DDI2: variants seen among roughly 807,000 people sequenced by gnomAD.
DDI2 encodes DDI proteasomal shuttling factor 2, also known as protein DDI1 homolog 2.
DDI2 carries 5 observed loss-of-function variants against 48.1 expected under a neutral mutation model. The ratio of observed to expected loss-of-function variants is 0.10; its 90% CI spans 0.05 to 0.22. The LOEUF (loss-of-function observed/expected upper bound fraction) is 0.22. DDI2 is among the 10% of genes least tolerant of loss of function. The pLI is 1.00. For synonymous variants in DDI2, 205 were observed against 183.6 expected, an observed-to-expected ratio of 1.12 and a Z score of -0.94; for missense variants, 285 against 506.2, an observed-to-expected ratio of 0.56 and a Z score of 4.19.
At chr1:15,638,283 G>A (rs762867880) in intron 4 of DDI2, 24 bp from the exon 5 acceptor site, 3 of 1,612,828 alleles carry the variant, frequency 1.9e-6, no homozygotes, top group Non-Finnish European at 2.5e-6. Context: ...TGCTTTCAGT[G>A]TCCCTGGTCT....
chr1:15,622,561 T>G (rs766665207), intron 1 of DDI2, among the ~76,000 whole-genome samples: 5 of 152,224 alleles, frequency 3.3e-5, no homozygotes, highest in Admixed American at 6.5e-5. Context: ...TGTATACATT[T>G]TCTTGTTGTA....
chr1:15,632,935 A>ATTTTTT (rs1557614987), intron 3 of DDI2, among the ~76,000 whole-genome samples: 53 of 79,104 alleles, frequency 6.7e-4, no homozygotes, highest in African/African-American at 3.2e-3. Context: ...TTTTTTTAAA[A>ATTTTTT]AAAAAAAAAC....
rs1640463452 is a variant in DDI2, at chr1:15,667,034, C to T, written c.*7244C>T. The T allele has an allele frequency of 6.6e-6, 1 of 151,946 alleles. No individual in the cohort carries two copies. Among genetic ancestry groups the T allele is most frequent in the South Asian group, 2.1e-4 (1 of 4,798 alleles). 9.4% of individuals were successfully genotyped at this position (151,946 alleles called of 1,614,324 possible). A position where few individuals can be genotyped will look rare whatever the true frequency, so the allele number is the denominator to read the frequency against. Reference sequence around the variant, plus strand: ...ACCAGCCTGGCCAATATGATGAAACCTTACCTCTACTAAAAATAAAAAATT... The same window carrying T: ...ACCAGCCTGGCCAATATGATGAAACTTTACCTCTACTAAAAATAAAAAATT... On this transcript the variant is annotated 3_prime_UTR_variant, in exon 10 of 10. Coordinates refer to ENST00000480945, the MANE Select transcript of DDI2 (RefSeq NM_032341.5).
intron 8 of DDI2, among the ~76,000 whole-genome samples, chr1:15,653,349 C>T (rs929871295): frequency 2.6e-5 from 4 of 151,840 alleles, no homozygotes; most frequent in African/African-American, 9.7e-5. Context: ...AGCCATGGCT[C>T]ACTGCAGCCT....
intron 7 of DDI2, among the ~76,000 whole-genome samples, chr1:15,651,236 C>T (rs962039762): frequency 1.3e-5 from 2 of 152,118 alleles, no homozygotes; most frequent in Admixed American, 6.5e-5. Flanking sequence ...TTTTTTTAGT[C>T]ATGGTATAGA....
intron 8 of DDI2, among the ~76,000 whole-genome samples, chr1:15,652,442 G>T (rs1557622524): frequency 1.2e-5 from 1 of 81,326 alleles, no homozygotes; most frequent in Non-Finnish European, 2.8e-5. Flanking sequence ...ACTTTGGGAG[G>T]CTCCGGAGGG....
chr1:15,626,245 A>G lies in DDI2; in HGVS notation c.139-424A>G, dbSNP rs187062950. Among the ~76,000 whole-genome samples the G allele has an allele frequency of 2.1e-3, 317 of 152,338 alleles. 3 individuals carry two copies. The highest frequency in any genetic ancestry group is 9.8e-4 in the Non-Finnish European group (67 of 68,030). ...TTTGTCCTCAAGTAGTTTACATTTA[A>G]TGGGGCAGAAGGACAATAAGTAAAT... On this transcript the variant is annotated intron_variant, in intron 1 of 9. Coordinates refer to ENST00000480945, the MANE Select transcript of DDI2 (RefSeq NM_032341.5).
chr1:15,660,855 C>G lies in DDI2; in HGVS notation c.*1065C>G. The G allele has an allele frequency of 3.1e-6, 5 of 1,614,150 alleles. No individual in the cohort carries two copies. The highest frequency in any genetic ancestry group is 2.2e-5 in the East Asian group (1 of 44,886). ...GAACAAATAAAGAATATGGCCATTA[C>G]TCCTCTCCAAGTCTCTGTGGCAGTT... On this transcript the variant is annotated 3_prime_UTR_variant, in exon 10 of 10. Transcript: ENST00000480945.
At position 15,667,028 on chromosome 1, in the gene DDI2, T is replaced by A. The variant is rs1021426316; in HGVS notation, c.*7238T>A. ...GTCGAGACCAGCCTGGCCAATATGA[T>A]GAAACCTTACCTCTACTAAAAATAA... is the stretch of plus-strand genomic sequence containing the variant. On this transcript the variant is annotated 3_prime_UTR_variant, in exon 10 of 10. Transcript: ENST00000480945. 6.6e-6 allele frequency: 1 copy of A among 152,012 alleles called. No homozygotes were observed. Among genetic ancestry groups the A allele is most frequent in the South Asian group, 2.1e-4 (1 of 4,812 alleles). The allele number at this position is 152,012 out of a possible 1,614,324, so 9.4% of individuals were successfully genotyped here.
intron 1 of DDI2, among the ~76,000 whole-genome samples, 185 bp from the exon 2 acceptor site, chr1:15,626,484 G>A (rs894169136): frequency 1.3e-5 from 2 of 152,192 alleles, no homozygotes; most frequent in Admixed American, 6.5e-5. Flanking sequence ...GGAGAGCCAG[G>A]GACCACATTG....
At chr1:15,655,987 T>G (rs1242864464) in intron 8 of DDI2, among the ~76,000 whole-genome samples, 5 of 151,704 alleles carry the variant, frequency 3.3e-5, no homozygotes, top group Non-Finnish European at 7.4e-5. Context: ...AAACTCTATA[T>G]TAAAATGTTT....
At chr1:15,639,979 A>G (rs1456648828) in intron 5 of DDI2, among the ~76,000 whole-genome samples, 1 of 151,824 alleles carries the variant, frequency 6.6e-6, no homozygotes, top group African/African-American at 2.4e-5. Context: ...TGATTGTGCC[A>G]CTGTGCCCCA....
intron 8 of DDI2, among the ~76,000 whole-genome samples, chr1:15,655,584 C>G (rs1570990815): frequency 1.3e-5 from 2 of 151,928 alleles, no homozygotes; most frequent in Non-Finnish European, 1.5e-5. Context: ...GAAACCTCAT[C>G]TCTACTAAAA....
intron 3 of DDI2, among the ~76,000 whole-genome samples, chr1:15,631,483 G>T (rs913496767): frequency 6.6e-6 from 1 of 152,196 alleles, no homozygotes; most frequent in African/African-American, 2.4e-5. Context: ...TTGGGTTTAT[G>T]AGTTAAATTG....
chr1:15,619,073 G>C (rs1205899471), intron 1 of DDI2, among the ~76,000 whole-genome samples: 1 of 152,178 alleles, frequency 6.6e-6, no homozygotes, highest in Non-Finnish European at 1.5e-5. Context: ...TGGAGAACTA[G>C]GAAAGGACTG....
chr1:15,638,532 T>A, intron 5 of DDI2, 98 bp downstream of exon 5: 91 of 348,912 alleles, frequency 2.6e-4, no homozygotes, highest in Middle Eastern at 7.6e-4. Flanking sequence ...TGGCTGTACT[T>A]TTTTTTTTTT....
Position 15,656,662 on chromosome 1 carries a change from G to C in DDI2, c.*29G>C. 6.2e-7 allele frequency: 1 copy of C among 1,614,146 alleles called. No homozygotes were observed. The highest frequency in any genetic ancestry group is 8.5e-7 in the Non-Finnish European group (1 of 1,180,004). Reference sequence around the variant, plus strand: ...ATGTAGTGTGTGTGTACTGCAGCTGGAGTGGGCCCCAGACCAGGTATTTAT... The same window carrying C: ...ATGTAGTGTGTGTGTACTGCAGCTGCAGTGGGCCCCAGACCAGGTATTTAT... On this transcript the variant is annotated 3_prime_UTR_variant, in exon 9 of 10. Transcript: ENST00000480945.
At chr1:15,619,074 G>A (rs563906406) in intron 1 of DDI2, among the ~76,000 whole-genome samples, 1 of 152,280 alleles carries the variant, frequency 6.6e-6, no homozygotes, top group Admixed American at 6.5e-5. Context: ...GGAGAACTAG[G>A]AAAGGACTGT....
intron 8 of DDI2, chr1:15,656,294 A>T: frequency 1.5e-6 from 1 of 674,848 alleles, no homozygotes; most frequent in South Asian, 2.8e-5. Flanking sequence ...AGATTTTTTT[A>T]ATCACCTAAT....
Sources: gnomAD v4.1 joint callset for allele counts (sites outside exome capture counted in the v4.1 genomes callset) on GRCh38, gnomAD v4.1.1 for gene constraint, MANE v1.5 for transcripts, NCBI Gene and HGNC (gene_info 2026-07-23, HGNC 2026-07-21) for gene names.